The following LGSN variants were observed in gnomAD, a reference collection of about 807,000 sequenced individuals.
The protein encoded by LGSN is lengsin, lens protein with glutamine synthetase domain.
A neutral mutation model predicts 19.5 loss-of-function variants in LGSN; 21 were observed. That is an observed-to-expected ratio of 1.07 (90% confidence interval 0.76 to 1.55). The LOEUF is 1.55. Ranked by LOEUF, LGSN falls within the 40% of genes most tolerant of loss-of-function variation. The pLI, the probability that LGSN is intolerant of heterozygous loss-of-function variation, is 0.00. For missense variants in LGSN, 673 were observed against 608.5 expected (o/e 1.11, Z -1.12); for synonymous variants, 257 against 215.6 (o/e 1.19, Z -1.68).
the LGSN span, among the ~76,000 whole-genome samples, chr6:63,556,785 G>T: frequency 6.6e-6 from 1 of 152,186 alleles, no homozygotes; most frequent in Non-Finnish European, 1.5e-5. Context: ...ACGTAAAAGT[G>T]AGTTGTTAAT....
At chr6:63,540,728 G>T in the LGSN span, among the ~76,000 whole-genome samples, 1 of 151,858 alleles carries the variant, frequency 6.6e-6, no homozygotes, top group African/African-American at 2.4e-5. Flanking sequence ...AAAACAGGAT[G>T]CATATTAAAC....
the LGSN span, among the ~76,000 whole-genome samples, chr6:63,356,737 A>G: frequency 6.6e-6 from 1 of 152,178 alleles, no homozygotes. Flanking sequence ...CTGAAAATAT[A>G]GGATGTTAAG....
At chr6:63,455,016 C>T in the LGSN span, among the ~76,000 whole-genome samples, 1 of 149,594 alleles carries the variant, frequency 6.7e-6, no homozygotes, top group Non-Finnish European at 1.5e-5. Context: ...TGGTCTTGAA[C>T]TTGTGACCTC....
the LGSN span, among the ~76,000 whole-genome samples, chr6:63,401,003 AC>A: frequency 3.9e-5 from 6 of 152,202 alleles, no homozygotes; most frequent in Non-Finnish European, 7.3e-5. Flanking sequence ...TTTAAAAAAA[AC>A]ATTAATTCAA....
the LGSN span, among the ~76,000 whole-genome samples, chr6:63,485,804 C>T: frequency 5.3e-5 from 8 of 152,198 alleles, no homozygotes; most frequent in Admixed American, 5.2e-4. Flanking sequence ...TCTCGGCTCA[C>T]TGCAACCTCT....
chr6:63,397,475 G>T, the LGSN span, among the ~76,000 whole-genome samples: 1 of 151,718 alleles, frequency 6.6e-6, no homozygotes, highest in Non-Finnish European at 1.5e-5. Context: ...AACACATAAG[G>T]GCAAAAGCTG....
chr6:63,293,246 C>T (rs1402352782), intron 2 of LGSN, among the ~76,000 whole-genome samples: 2 of 152,192 alleles, frequency 1.3e-5, no homozygotes, highest in South Asian at 4.1e-4. Context: ...ATCTCCCCTC[C>T]TCAGCCTCCC....
At chr6:63,281,397 A>C (rs1186906940) in intron 3 of LGSN, among the ~76,000 whole-genome samples, 177 bp from the exon 4 acceptor site, 3 of 147,974 alleles carry the variant, frequency 2.0e-5, no homozygotes, top group Admixed American at 1.4e-4. Context: ...ATAAATGTTA[A>C]ACATTTTAAA....
chr6:63,443,618 A>C, the LGSN span: 1 of 1,031,606 alleles, frequency 9.7e-7, no homozygotes, highest in Non-Finnish European at 1.2e-6. Context: ...CCAGCCTTGG[A>C]GCTTGGATTC....
At chr6:63,572,763 G>C in the LGSN span, 1 of 398,350 alleles carries the variant, frequency 2.5e-6, no homozygotes. Flanking sequence ...GGGAATCCAC[G>C]ACCGGCCCCC....
the LGSN span, chr6:63,443,516 C>T: frequency 1.5e-5 from 9 of 599,138 alleles, no homozygotes; most frequent in Non-Finnish European, 2.0e-5. Context: ...GCGTGAACAC[C>T]ATCTGTGACA....
At chr6:63,305,774 T>C (rs1005004485) in intron 1 of LGSN, among the ~76,000 whole-genome samples, 2 of 151,988 alleles carry the variant, frequency 1.3e-5, no homozygotes, top group Non-Finnish European at 2.9e-5. Context: ...TTTTAAATAA[T>C]ATCCAGCCAG....
chr6:63,405,981 C>T, the LGSN span, among the ~76,000 whole-genome samples: 2 of 152,174 alleles, frequency 1.3e-5, no homozygotes, highest in African/African-American at 4.8e-5. Flanking sequence ...AGCTAACTAT[C>T]CTAAATATAT....
At chr6:63,506,096 T>C in the LGSN span, among the ~76,000 whole-genome samples, 1 of 152,244 alleles carries the variant, frequency 6.6e-6, no homozygotes, top group Non-Finnish European at 1.5e-5. Flanking sequence ...GAAAGTTATT[T>C]ACATTCTTTG....
At chr6:63,443,786 G>A in the LGSN span, among the ~76,000 whole-genome samples, 88,386 of 151,880 alleles carry the variant, frequency 0.58, 25,976 homozygotes, top group South Asian at 0.61. Flanking sequence ...AATGGGAGGT[G>A]GTGGGGGACA....
intron 1 of LGSN, among the ~76,000 whole-genome samples, chr6:63,308,280 A>C (rs561979019): frequency 9.9e-5 from 15 of 152,248 alleles, no homozygotes; most frequent in African/African-American, 3.1e-4. Context: ...TGTCTCATAC[A>C]TGGGAATGGC....
the LGSN span, among the ~76,000 whole-genome samples, chr6:63,350,688 C>T: frequency 6.6e-6 from 1 of 152,014 alleles, no homozygotes; most frequent in Non-Finnish European, 1.5e-5. Flanking sequence ...GCTCTCTCTA[C>T]TAAAAATACA....
At chr6:63,382,618 G>T in the LGSN span, among the ~76,000 whole-genome samples, 1 of 152,252 alleles carries the variant, frequency 6.6e-6, no homozygotes, top group Middle Eastern at 3.4e-3. Context: ...TGTCTCAGAA[G>T]GACAGTCCTA....
the LGSN span, among the ~76,000 whole-genome samples, chr6:63,347,482 T>C: frequency 6.6e-6 from 1 of 152,218 alleles, no homozygotes; most frequent in East Asian, 1.9e-4. Flanking sequence ...TGTTCAGACA[T>C]ATAATTTCAA....
Sources: allele counts gnomAD v4.1 joint callset (sites outside exome capture counted in the v4.1 genomes callset), GRCh38; gene constraint gnomAD v4.1.1; transcripts MANE v1.5; gene names NCBI Gene and HGNC (gene_info 2026-07-23, HGNC 2026-07-21).